WDR44: variants seen among roughly 807,000 people sequenced by gnomAD.
WDR44 encodes WD repeat domain 44.
A neutral mutation model predicts 65.7 loss-of-function variants in WDR44; 9 were observed. The observed-to-expected ratio is 0.14, with a 90% CI of 0.08 to 0.24. WDR44 has a LOEUF of 0.24. Ranked by LOEUF, WDR44 falls within the 10% of genes least tolerant of loss-of-function variation. The pLI, the probability that WDR44 is intolerant of heterozygous loss-of-function variation, is 1.00. For missense variants in WDR44, 425 were observed against 670.9 expected (o/e 0.63, Z 4.05); for synonymous variants, 220 against 235.2 (o/e 0.94, Z 0.59).
At chrX:118,448,816 TG>T in intron 19 of WDR44, 76 bp from the exon 20 acceptor site, 1 of 657,642 alleles carries the variant, frequency 1.5e-6, no homozygotes, top group Non-Finnish European at 2.3e-6. Context: ...TGGAGGGTCA[TG>T]GGCATGTGAT....
At chrX:118,372,587 T>TA (rs1050138480) in intron 1 of WDR44, among the ~76,000 whole-genome samples, 42 of 105,459 alleles carry the variant, frequency 4.0e-4, no homozygotes, top group Non-Finnish European at 3.7e-4. Context: ...AACAGTTCAA[T>TA]AAAAAAAAAA....
chrX:118,354,419 T>TAA (rs59731854), intron 1 of WDR44, among the ~76,000 whole-genome samples: 9 of 96,327 alleles, frequency 9.3e-5, no homozygotes, highest in Non-Finnish European at 1.3e-4. Flanking sequence ...CTCTGTCTCT[T>TAA]AAAAAAAAAA....
At chrX:118,385,607 A>G (rs1194482889) in intron 2 of WDR44, among the ~76,000 whole-genome samples, 2 of 111,138 alleles carry the variant, frequency 1.8e-5, no homozygotes, top group African/African-American at 6.5e-5. Flanking sequence ...ACCCCATGAC[A>G]CAAGTTTACC....
intron 1 of WDR44, among the ~76,000 whole-genome samples, chrX:118,346,831 C>T (rs778632388): frequency 9.0e-6 from 1 of 111,396 alleles, no homozygotes; most frequent in South Asian, 3.9e-4. Flanking sequence ...TCTCGGAGCC[C>T]GTTTCTCTTC....
intron 12 of WDR44, among the ~76,000 whole-genome samples, chrX:118,413,702 C>A (rs2057030602): frequency 9.0e-6 from 1 of 111,676 alleles, no homozygotes; most frequent in Non-Finnish European, 1.9e-5. Flanking sequence ...TAAGTCCCAA[C>A]TATTTATTTT....
intron 12 of WDR44, among the ~76,000 whole-genome samples, chrX:118,418,633 T>A (rs1483100467): frequency 9.0e-6 from 1 of 111,069 alleles, no homozygotes; most frequent in East Asian, 2.8e-4. Context: ...TTTGGTGGTT[T>A]AATTTTCTAT....
At chrX:118,431,506 T>G (rs758280114) in intron 12 of WDR44, among the ~76,000 whole-genome samples, 3 of 111,129 alleles carry the variant, frequency 2.7e-5, no homozygotes, top group Non-Finnish European at 5.7e-5. Context: ...TTTCTCCATG[T>G]TGGTCAGGCT....
intron 8 of WDR44, among the ~76,000 whole-genome samples, chrX:118,400,439 A>G (rs895758410): frequency 3.4e-4 from 38 of 112,096 alleles, no homozygotes; most frequent in African/African-American, 1.2e-3. Context: ...TAGATACTTT[A>G]GAACTATTAC....
intron 12 of WDR44, among the ~76,000 whole-genome samples, chrX:118,425,633 G>A (rs138407968): frequency 2.8e-3 from 311 of 111,109 alleles, no homozygotes; most frequent in Non-Finnish European, 4.6e-3. Context: ...AGGTGATGGA[G>A]CAAGACTCCA....
intron 10 of WDR44, among the ~76,000 whole-genome samples, chrX:118,407,498 G>GTCTCT (rs1438669287): frequency 1.2e-5 from 1 of 83,223 alleles, no homozygotes; most frequent in Non-Finnish European, 2.2e-5. Context: ...AAAAAACTCC[G>GTCTCT]TCTCAAAAAA....
intron 2 of WDR44, among the ~76,000 whole-genome samples, chrX:118,382,393 A>G (rs1191699224): frequency 8.9e-6 from 1 of 111,967 alleles, no homozygotes; most frequent in East Asian, 2.8e-4. Context: ...CATTGAAAGG[A>G]GTGGATGTAT....
At chrX:118,390,150 G>C (rs1212466595) in intron 3 of WDR44, among the ~76,000 whole-genome samples, 1 of 110,349 alleles carries the variant, frequency 9.1e-6, no homozygotes, top group Non-Finnish European at 1.9e-5. Context: ...TTGAACTCCT[G>C]ACCTCAGTTG....
chrX:118,361,981 AAT>A (rs1330070012), intron 1 of WDR44, among the ~76,000 whole-genome samples: 2 of 112,173 alleles, frequency 1.8e-5, no homozygotes, highest in Admixed American at 9.5e-5. Flanking sequence ...CTGATTTCAA[AAT>A]ATGAGTTTTG....
At chrX:118,439,815 A>G (rs905751814) in intron 14 of WDR44, among the ~76,000 whole-genome samples, 1 of 107,471 alleles carries the variant, frequency 9.3e-6, no homozygotes, top group Non-Finnish European at 1.9e-5. Flanking sequence ...GGGGAAGGAA[A>G]AAAAAAGAAG....
intron 2 of WDR44, among the ~76,000 whole-genome samples, chrX:118,385,252 C>T (rs767673397): frequency 3.7e-4 from 41 of 112,016 alleles, no homozygotes; most frequent in Non-Finnish European, 5.6e-4. Context: ...TGAAATCAAC[C>T]TAAATGCCCA....
intron 1 of WDR44, among the ~76,000 whole-genome samples, chrX:118,377,909 G>A (rs1046616232): frequency 9.2e-6 from 1 of 108,889 alleles, no homozygotes; most frequent in Non-Finnish European, 1.9e-5. Flanking sequence ...TAAATTATTT[G>A]TAGAGACAGG....
chrX:118,378,700 A>G lies in WDR44; in HGVS notation c.111+248A>G, dbSNP rs191941866. The stretch of plus-strand genomic sequence containing the variant: ...TTTTTATTTGTTTATAATATCTAGA[A>G]TAAAAGAACGTGTGTGTGTGTGTGT... On this transcript the variant is annotated intron_variant, in intron 2 of 19. Transcript: ENST00000254029. Among the ~76,000 whole-genome samples, 282 of 72,555 alleles carry G rather than the reference A, an allele frequency of 3.9e-3. 1 individual carries two copies. The highest frequency in any genetic ancestry group is 0.028 in the African/African-American group (259 of 9,207). The allele number at this position is 72,555 out of a possible 115,157, so 63.0% of individuals were successfully genotyped here.
intron 12 of WDR44, among the ~76,000 whole-genome samples, chrX:118,424,192 G>A: frequency 9.5e-6 from 1 of 105,149 alleles, no homozygotes; most frequent in Non-Finnish European, 1.9e-5. Context: ...TTTCATAGTA[G>A]GTGCACCAAT....
intron 9 of WDR44, among the ~76,000 whole-genome samples, chrX:118,406,201 A>AT (rs1263258965): frequency 9.0e-6 from 1 of 111,171 alleles, no homozygotes; most frequent in Non-Finnish European, 1.9e-5. Context: ...ATGTTAAGGG[A>AT]TTTGAGCATT....
Sources: gnomAD v4.1 joint callset for allele counts (sites outside exome capture counted in the v4.1 genomes callset) on GRCh38, gnomAD v4.1.1 for gene constraint, MANE v1.5 for transcripts, NCBI Gene and HGNC (gene_info 2026-07-23, HGNC 2026-07-21) for gene names.